The following CCBE1 variants were observed in gnomAD, a reference collection of about 807,000 sequenced individuals.
The protein encoded by CCBE1 is collagen and calcium-binding EGF domain-containing protein 1.
In CCBE1, 37 loss-of-function variants were observed where a neutral mutation model predicts 50.0. That is an observed-to-expected ratio of 0.74 (90% CI 0.57 to 0.97). CCBE1 has a LOEUF of 0.97. Among genes scored for constraint, CCBE1 ranks in the 50% least tolerant of loss-of-function variants. CCBE1 has a pLI of 0.00. For missense variants in CCBE1, 538 were observed against 523.8 expected (o/e 1.03, Z -0.26); for synonymous variants, 234 against 203.7 (o/e 1.15, Z -1.27).
chr18:59,682,949 C>T (rs2054611486), intron 2 of CCBE1, among the ~76,000 whole-genome samples: 1 of 152,262 alleles, frequency 6.6e-6, no homozygotes, highest in South Asian at 2.1e-4. Flanking sequence ...GTAGGAACTA[C>T]AGAGTGGAGC....
At chr18:59,485,256 T>TAA (rs1016488242) in intron 2 of CCBE1, among the ~76,000 whole-genome samples, 2 of 151,770 alleles carry the variant, frequency 1.3e-5, no homozygotes, top group Non-Finnish European at 2.9e-5. Flanking sequence ...TTAACACATG[T>TAA]AAAAAAAATA....
At chr18:59,443,830 C>A (rs1006920335) in intron 7 of CCBE1, among the ~76,000 whole-genome samples, 2 of 152,088 alleles carry the variant, frequency 1.3e-5, no homozygotes, top group African/African-American at 4.8e-5. Flanking sequence ...CATTGTTGTG[C>A]AACAGATCTC....
chr18:59,480,198 A>C lies in CCBE1; in HGVS notation c.253T>G (p.Cys85Gly). ...CKGYKFVLGQ[C>G]IPEDYDVCAE... Reference sequence around the variant, plus strand: ...TTATATTACATACCTTCTGGGATGCATTGTCCAAGAACAAATTTATATCCT... The same window carrying C: ...TTATATTACATACCTTCTGGGATGCCTTGTCCAAGAACAAATTTATATCCT... Residue 85 changes from cysteine to glycine, a missense_variant, in exon 3 of 11, where the codon TGC (cysteine) becomes GGC (glycine). Coordinates refer to ENST00000439986, the MANE Select transcript of CCBE1 (RefSeq NM_133459.4). 1 of 1,595,054 alleles carries C rather than the reference A, an allele frequency of 6.3e-7. No homozygotes were observed. The highest frequency in any genetic ancestry group is 8.6e-7 in the Non-Finnish European group (1 of 1,163,120).
At chr18:59,499,612 T>C in intron 2 of CCBE1, among the ~76,000 whole-genome samples, 1 of 151,682 alleles carries the variant, frequency 6.6e-6, no homozygotes, top group East Asian at 1.9e-4. Flanking sequence ...GTGAGACGTA[T>C]TCACTATCAT....
intron 2 of CCBE1, among the ~76,000 whole-genome samples, chr18:59,691,714 A>T (rs3097397): frequency 4.6e-5 from 7 of 152,086 alleles, no homozygotes; most frequent in African/African-American, 1.7e-4. Flanking sequence ...AGAGTTCTTC[A>T]CAACTTTCAT....
rs1913199484 is a variant in CCBE1 at position 59,493,333 on chromosome 18, A to G, written c.213-13095T>C. 2.0e-5 allele frequency among the ~76,000 whole-genome samples: 3 copies of G among 152,204 alleles called. No homozygotes were observed. In the East Asian group the frequency reaches 5.8e-4, roughly 29 times the overall value. On this transcript the variant is annotated intron_variant, in intron 2 of 10. Coordinates refer to ENST00000439986, the MANE Select transcript of CCBE1 (RefSeq NM_133459.4). ...CACTGGAAGGAGAAATTCATGTAAC[A>G]CCGAAAGTAGGATTTCTACTTTAAA...
intron 2 of CCBE1, among the ~76,000 whole-genome samples, chr18:59,651,138 A>C (rs986804411): frequency 8.5e-5 from 13 of 152,216 alleles, no homozygotes; most frequent in African/African-American, 2.7e-4. Context: ...CAAAGGTATG[A>C]ATAGAAGCAA....
At chr18:59,667,091 T>G (rs901567855) in intron 2 of CCBE1, among the ~76,000 whole-genome samples, 11 of 151,678 alleles carry the variant, frequency 7.3e-5, no homozygotes, top group African/African-American at 2.4e-4. Flanking sequence ...CTGGGCAACA[T>G]AGTGAAACCC....
intron 2 of CCBE1, among the ~76,000 whole-genome samples, chr18:59,562,028 A>T (rs2052746044): frequency 6.6e-6 from 1 of 152,212 alleles, no homozygotes. Flanking sequence ...CCCAGATCTA[A>T]CAAGTACGTA....
chr18:59,515,559 C>T (rs1370218614), intron 2 of CCBE1, among the ~76,000 whole-genome samples: 1 of 152,174 alleles, frequency 6.6e-6, no homozygotes, highest in Non-Finnish European at 1.5e-5. Context: ...CAGCAGTTCA[C>T]CTGGATTGTC....
At chr18:59,498,640 T>C (rs599680) in intron 2 of CCBE1, among the ~76,000 whole-genome samples, 102,790 of 152,118 alleles carry the variant, frequency 0.68, 35,843 homozygotes, top group East Asian at 0.94. Flanking sequence ...TAAACATGAG[T>C]TTGCTCTAAA....
At chr18:59,674,250 A>T (rs939002523) in intron 2 of CCBE1, among the ~76,000 whole-genome samples, 1 of 152,366 alleles carries the variant, frequency 6.6e-6, no homozygotes, top group East Asian at 1.9e-4. Flanking sequence ...GACAGACTGG[A>T]TAAAGAAAAA....
chr18:59,531,048 A>G (rs372604271), intron 2 of CCBE1, among the ~76,000 whole-genome samples: 8 of 79,996 alleles, frequency 1.0e-4, no homozygotes, highest in Admixed American at 7.9e-4. Context: ...TTGCTAAAGT[A>G]AAATACCAAA....
chr18:59,551,025 AAAAAGAAAAG>A (rs1568201646), intron 2 of CCBE1, among the ~76,000 whole-genome samples: 4 of 114,838 alleles, frequency 3.5e-5, no homozygotes, highest in Admixed American at 9.6e-5. Flanking sequence ...AAAAAAAAAA[AAAAAGAAAAG>A]AAAAGAAAAG....
chr18:59,694,584 G>A (rs2054780285), intron 2 of CCBE1, among the ~76,000 whole-genome samples: 1 of 150,538 alleles, frequency 6.6e-6, no homozygotes, highest in Admixed American at 6.6e-5. Context: ...AGAGATCTGG[G>A]GGCAGAGGCC....
intron 2 of CCBE1, among the ~76,000 whole-genome samples, chr18:59,647,782 T>C (rs1351068334): frequency 6.6e-6 from 1 of 152,208 alleles, no homozygotes; most frequent in Admixed American, 6.5e-5. Flanking sequence ...TTCGATGGAA[T>C]AAAAATTCAG....
intron 5 of CCBE1, among the ~76,000 whole-genome samples, chr18:59,457,974 T>A (rs919926954): frequency 6.6e-6 from 1 of 152,232 alleles, no homozygotes; most frequent in African/African-American, 2.4e-5. Context: ...GGCTCCTGCA[T>A]GAAAAGATGA....
chr18:59,463,870 G>C (rs1312832920), intron 5 of CCBE1, among the ~76,000 whole-genome samples: 2 of 152,174 alleles, frequency 1.3e-5, no homozygotes, highest in African/African-American at 4.8e-5. Flanking sequence ...GACTTGCCAG[G>C]CTGGGCTGTC....
intron 2 of CCBE1, among the ~76,000 whole-genome samples, chr18:59,540,078 C>G (rs1326069216): frequency 1.3e-5 from 2 of 152,032 alleles, no homozygotes; most frequent in African/African-American, 4.8e-5. Context: ...CAAAATAAAC[C>G]TTTCATTTCC....
Sources: gnomAD v4.1 joint callset for allele counts (sites outside exome capture counted in the v4.1 genomes callset) on GRCh38, gnomAD v4.1.1 for gene constraint, MANE v1.5 for transcripts, NCBI Gene and HGNC (gene_info 2026-07-23, HGNC 2026-07-21) for gene names.